The following ZNF670 variants were observed in gnomAD, a reference collection of about 807,000 sequenced individuals.
ZNF670 encodes zinc finger protein 670.
In ZNF670, 7 loss-of-function variants were observed where a neutral mutation model predicts 10.9. The observed-to-expected ratio is 0.64, with a 90% CI of 0.36 to 1.20. The LOEUF is 1.20. Ranked by LOEUF, ZNF670 falls within the 50% of genes most tolerant of loss-of-function variation. The pLI is 0.02. For synonymous variants in ZNF670, 136 were observed against 152.7 expected (o/e 0.89, Z 0.81); for missense variants, 446 against 458.6 (o/e 0.97, Z 0.25).
chr1:247,064,327 A>G (rs1670933946), intron 1 of ZNF670, among the ~76,000 whole-genome samples: 1 of 152,228 alleles, frequency 6.6e-6, no homozygotes, highest in Admixed American at 6.5e-5. Flanking sequence ...GCTGAATTGT[A>G]GAATGCTACC....
At chr1:247,047,787 T>C (rs1670487669) in intron 1 of ZNF670, among the ~76,000 whole-genome samples, 1 of 152,188 alleles carries the variant, frequency 6.6e-6, no homozygotes, top group African/African-American at 2.4e-5. Context: ...TTGAACCCTC[T>C]GAAGCAATGG....
chr1:247,049,497 TTTTG>T (rs1385379758), intron 1 of ZNF670, among the ~76,000 whole-genome samples: 3 of 152,226 alleles, frequency 2.0e-5, no homozygotes, highest in East Asian at 1.9e-4. Context: ...CTTTTGTATT[TTTTG>T]TTTGTTTCAA....
chr1:247,058,936 T>C (rs1275445737), intron 1 of ZNF670, among the ~76,000 whole-genome samples: 1 of 152,078 alleles, frequency 6.6e-6, no homozygotes, highest in African/African-American at 2.4e-5. Context: ...ATCACACTAG[T>C]GAATTCCACC....
Position 247,039,554 on chromosome 1 carries a change from A to T in ZNF670, c.4-17T>A. 1 of 1,560,380 alleles carries T rather than the reference A, an allele frequency of 6.4e-7. No individual in the cohort carries two copies. Among genetic ancestry groups the T allele is most frequent in the Non-Finnish European group, 8.6e-7 (1 of 1,158,134 alleles). On this transcript the variant is annotated splice_polypyrimidine_tract_variant and intron_variant, in intron 1 of 3. Transcript: ENST00000366503. ...CACTGAATCCTAGAATATCGCACAT[A>T]TGTGGAGAGGAGGATGGCTTAGACA...
At position 247,039,401 on chromosome 1, in the gene ZNF670, T is replaced by A; in HGVS notation, c.130+10A>T. The A allele has an allele frequency of 1.2e-6, 2 of 1,603,632 alleles. No individual in the cohort carries two copies. The highest frequency in any genetic ancestry group is 1.7e-6 in the Non-Finnish European group (2 of 1,176,252). On this transcript the variant is annotated intron_variant, in intron 2 of 3. Coordinates refer to ENST00000366503, the MANE Select transcript of ZNF670 (RefSeq NM_033213.5). ...TAATCAACTACGTGAATAAGTGTTG[T>A]TATTCTTACCTACAGAAGCCAGGTT...
intron 1 of ZNF670, among the ~76,000 whole-genome samples, chr1:247,053,569 G>A (rs1670647786): frequency 6.6e-6 from 1 of 152,180 alleles, no homozygotes; most frequent in African/African-American, 2.4e-5. Flanking sequence ...CCGTGAGGTG[G>A]AGCTTGCAGT....
At chr1:247,060,965 C>G (rs1670844003) in intron 1 of ZNF670, among the ~76,000 whole-genome samples, 1 of 152,104 alleles carries the variant, frequency 6.6e-6, no homozygotes, top group South Asian at 2.1e-4. Context: ...TTTCCGCTGA[C>G]CATGCATTTG....
In ZNF670 at chr1:247,057,190, A is replaced by G. The variant is rs1670740512; in HGVS notation, c.4-17653T>C. 1.3e-5 allele frequency among the ~76,000 whole-genome samples: 2 copies of G among 152,236 alleles called. 1 individual carries two copies. The highest frequency in any genetic ancestry group is 4.1e-4 in the South Asian group (2 of 4,834). On this transcript the variant is annotated intron_variant, in intron 1 of 3. Transcript: ENST00000366503. ...TAATCTCATCCAAAAATGGGCAAAT[A>G]ATCCAATCCAAAAATGTCTCAAAAG... is the stretch of plus-strand genomic sequence containing the variant.
At position 247,035,497 on chromosome 1, in the gene ZNF670, AAT is replaced by A. The variant is rs1177924410; in HGVS notation, c.*1950_*1951del. Among the ~76,000 whole-genome samples the A allele has an allele frequency of 7.2e-5, 11 of 152,174 alleles. No homozygotes were observed. The highest frequency in any genetic ancestry group is 2.4e-4 in the African/African-American group (10 of 41,440). ...CATCTGTGGAATGGTAGGCAACTGA[AAT>A]ATGTTAGGCTACAGACTGATAAGAT... On this transcript the variant is annotated 3_prime_UTR_variant, in exon 4 of 4. Coordinates refer to ENST00000366503, the MANE Select transcript of ZNF670 (RefSeq NM_033213.5).
chr1:247,036,587 A>C lies in ZNF670; in HGVS notation c.*862T>G, dbSNP rs755016842. On this transcript the variant is annotated 3_prime_UTR_variant, in exon 4 of 4. Transcript: ENST00000366503. ...TAAGGTGGGAGAATCACTTGAGCCCAGGAATTTGAGGCTGCAGTGAGCTAA... is the reference window on the plus strand; with the variant it reads ...TAAGGTGGGAGAATCACTTGAGCCCCGGAATTTGAGGCTGCAGTGAGCTAA... Among the ~76,000 whole-genome samples the C allele has an allele frequency of 6.6e-6, 1 of 152,186 alleles. No homozygotes were observed.
intron 1 of ZNF670, 138 bp downstream of exon 1, chr1:247,078,456 C>A: frequency 9.1e-7 from 1 of 1,103,396 alleles, no homozygotes; most frequent in Non-Finnish European, 1.3e-6. Context: ...GCGGGTCCAG[C>A]CCCGCATCCT....
Position 247,063,348 on chromosome 1 carries a change from C to T in ZNF670, c.3+15246G>A, listed in dbSNP as rs557130037. Among the ~76,000 whole-genome samples, 399 of 151,770 alleles carry T rather than the reference C, an allele frequency of 2.6e-3. 3 individuals are homozygous for T. The highest frequency in any genetic ancestry group is 9.2e-3 in the African/African-American group (381 of 41,416). ...CAGCACTTTGGGAGGCTGAGGCGGG[C>T]GGATCAAGAGGTCAGGAGATCAAGA... On this transcript the variant is annotated intron_variant, in intron 1 of 3. Coordinates refer to ENST00000366503, the MANE Select transcript of ZNF670 (RefSeq NM_033213.5).
At chr1:247,044,492 A>G (rs1670392927) in intron 1 of ZNF670, among the ~76,000 whole-genome samples, 1 of 152,266 alleles carries the variant, frequency 6.6e-6, no homozygotes, top group Non-Finnish European at 1.5e-5. Flanking sequence ...TCTACCAAGA[A>G]GACACATGTA....
chr1:247,072,804 G>GTATACATATATATATA (rs1671159066), intron 1 of ZNF670, among the ~76,000 whole-genome samples: 1 of 47,664 alleles, frequency 2.1e-5, no homozygotes, highest in Non-Finnish European at 3.6e-5. Context: ...AAAAGTGTGT[G>GTATACATATATATATA]TATATATATA....
chr1:247,067,369 G>C (rs1476273302), intron 1 of ZNF670, among the ~76,000 whole-genome samples: 2 of 148,508 alleles, frequency 1.3e-5, no homozygotes, highest in African/African-American at 5.0e-5. Flanking sequence ...CTGGGAGGCA[G>C]AGGTTGCAGC....
chr1:247,069,230 T>C (rs894860853), intron 1 of ZNF670, among the ~76,000 whole-genome samples: 2 of 151,178 alleles, frequency 1.3e-5, no homozygotes, highest in African/African-American at 4.9e-5. Context: ...TACCCCATTC[T>C]CCATGAGGTG....
chr1:247,037,540 G>A lies in ZNF670; in HGVS notation c.1079C>T (p.Thr360Ile), dbSNP rs1170907358. 1.9e-6 allele frequency: 3 copies of A among 1,613,966 alleles called. No homozygotes were observed. In the African/African-American group the frequency reaches 4.0e-5, roughly 22 times the overall value. Residue 360 changes from threonine to isoleucine, a missense_variant, in exon 4 of 4, where the codon ACT (threonine) becomes ATT (isoleucine). Physicochemically the swap from Thr to Ile is moderately conservative, Grantham distance 89 (BLOSUM62 -1). Transcript: ENST00000366503. The stretch of plus-strand genomic sequence containing the variant: ...CTTACATTCATAGGGTTTTTCTCCA[G>A]TATGAGTCCTTTCATGGCTTCGAAG... ...SALRSHERTH[T>I]GEKPYECKKC...
intron 1 of ZNF670, among the ~76,000 whole-genome samples, chr1:247,062,174 T>C (rs1670873909): frequency 6.6e-6 from 1 of 152,130 alleles, no homozygotes; most frequent in Admixed American, 6.6e-5. Flanking sequence ...ATCTTTGTAA[T>C]TCGCCAATTT....
At chr1:247,063,296 A>G (rs1246238930) in intron 1 of ZNF670, among the ~76,000 whole-genome samples, 4 of 152,156 alleles carry the variant, frequency 2.6e-5, no homozygotes, top group South Asian at 2.1e-4. Context: ...ACTGAAGGCC[A>G]GGCGCGGTGG....
Sources: allele counts gnomAD v4.1 joint callset (sites outside exome capture counted in the v4.1 genomes callset), GRCh38; gene constraint gnomAD v4.1.1; transcripts MANE v1.5; gene names NCBI Gene and HGNC (gene_info 2026-07-23, HGNC 2026-07-21).